The following HDAC8 variants were observed in gnomAD, a reference collection of about 807,000 sequenced individuals.
The protein encoded by HDAC8 is histone deacetylase-like 1.
In HDAC8, 1 loss-of-function variant was observed where a neutral mutation model predicts 32.2. That is an observed-to-expected ratio of 0.03 (90% confidence interval 0.01 to 0.15). HDAC8 has a LOEUF of 0.15. HDAC8 is among the 10% of genes least tolerant of loss of function. HDAC8 has a pLI of 1.00. For synonymous variants in HDAC8, 108 were observed against 113.9 expected, an observed-to-expected ratio of 0.95 and a Z score of 0.33; for missense variants, 117 against 300.0, an observed-to-expected ratio of 0.39 and a Z score of 4.51.
In HDAC8 at chrX:72,535,116, G is replaced by A. The variant is rs186060311; in HGVS notation, c.437+32773C>T. On this transcript the variant is annotated intron_variant, in intron 4 of 10. Transcript: ENST00000373573. ...TCATTCTTACTTTCAAACAAGGTAC[G>A]TTGTTTTCCTTATTTTCAGTACTAG... is the stretch of plus-strand genomic sequence containing the variant. 5.6e-4 allele frequency among the ~76,000 whole-genome samples: 63 copies of A among 112,105 alleles called. 1 individual carries two copies. Among genetic ancestry groups the A allele is most frequent in the Admixed American group, 2.3e-3 (24 of 10,577 alleles).
chrX:72,365,001 G>A (rs2044657891), intron 9 of HDAC8, among the ~76,000 whole-genome samples: 1 of 112,133 alleles, frequency 8.9e-6, no homozygotes, highest in Admixed American at 9.4e-5. Context: ...TTATCTCTCA[G>A]GGGAGAGCCC....
At chrX:72,464,142 G>A (rs1244024040) in intron 8 of HDAC8, among the ~76,000 whole-genome samples, 1 of 111,641 alleles carries the variant, frequency 9.0e-6, no homozygotes, top group African/African-American at 3.3e-5. Flanking sequence ...ATTAATCTGT[G>A]TGTTTACTAC....
chrX:72,567,049 G>T (rs1452292898), intron 4 of HDAC8, among the ~76,000 whole-genome samples: 2 of 112,164 alleles, frequency 1.8e-5, no homozygotes, highest in African/African-American at 6.5e-5. Flanking sequence ...GGAGGCTGAG[G>T]CAGGAGAATC....
chrX:72,337,313 G>T (rs2043726977), intron 10 of HDAC8, among the ~76,000 whole-genome samples: 1 of 112,137 alleles, frequency 8.9e-6, no homozygotes, highest in Non-Finnish European at 1.9e-5. Context: ...CTTGAAATAT[G>T]TCTAGTGCAA....
chrX:72,413,013 G>C (rs932648221), intron 9 of HDAC8, among the ~76,000 whole-genome samples: 6 of 111,034 alleles, frequency 5.4e-5, no homozygotes, highest in African/African-American at 2.0e-4. Flanking sequence ...AAGTTTATCG[G>C]GTACCTAGGT....
At chrX:72,445,388 AACT>A (rs1440355383) in intron 9 of HDAC8, among the ~76,000 whole-genome samples, 12 of 111,896 alleles carry the variant, frequency 1.1e-4, no homozygotes, top group African/African-American at 3.9e-4. Context: ...GCATATCTAC[AACT>A]ATCTGATCTT....
At chrX:72,441,522 CA>C (rs1307604609) in intron 9 of HDAC8, among the ~76,000 whole-genome samples, 1 of 111,645 alleles carries the variant, frequency 9.0e-6, no homozygotes, top group Non-Finnish European at 1.9e-5. Context: ...ACATCCACAC[CA>C]AAAACCCATC....
intron 4 of HDAC8, among the ~76,000 whole-genome samples, chrX:72,505,003 CCTT>C (rs1259405589): frequency 9.0e-6 from 1 of 110,844 alleles, no homozygotes; most frequent in Non-Finnish European, 1.9e-5. Flanking sequence ...CATTTGTAGA[CCTT>C]CTTTGGAGAT....
At chrX:72,550,248 G>A (rs1265886280) in intron 4 of HDAC8, among the ~76,000 whole-genome samples, 1 of 110,652 alleles carries the variant, frequency 9.0e-6, no homozygotes, top group East Asian at 2.8e-4. Flanking sequence ...GGCATTCAAG[G>A]ACTCTTTATA....
In HDAC8 at chrX:72,544,602, C is replaced by A. The variant is rs151193022; in HGVS notation, c.437+23287G>T. On this transcript the variant is annotated intron_variant, in intron 4 of 10. Transcript: ENST00000373573. ...TAAACTCTGGCATAACAGAATGTAG[C>A]CCAGAAACACGATTTTTACACTTTG... Among the ~76,000 whole-genome samples, 558 of 111,473 alleles carry A rather than the reference C, an allele frequency of 5.0e-3. 2 individuals carry two copies. The highest frequency in any genetic ancestry group is 0.018 in the African/African-American group (542 of 30,635).
chrX:72,444,453 A>C (rs1387257419), intron 9 of HDAC8, among the ~76,000 whole-genome samples: 1 of 111,674 alleles, frequency 9.0e-6, no homozygotes, highest in East Asian at 2.8e-4. Context: ...TTATCTCAAT[A>C]GATGCAGAAA....
chrX:72,467,260 A>G (rs1555995260), intron 7 of HDAC8: 1 of 111,192 alleles, frequency 9.0e-6, no homozygotes, highest in Non-Finnish European at 1.9e-5. Context: ...GCTTGTACCA[A>G]TGTCCAATAT....
In HDAC8 at chrX:72,461,747, C is replaced by A. The variant is rs782618207; in HGVS notation, c.1005+257G>T. On this transcript the variant is annotated intron_variant, in intron 9 of 10. Transcript: ENST00000373573. ...AAGAATTCTTTGTGTGAACAGGTGACCCCTTCCCACAGTCTCTGTAATTAA... is the reference window on the plus strand; with the variant it reads ...AAGAATTCTTTGTGTGAACAGGTGAACCCTTCCCACAGTCTCTGTAATTAA... Among the ~76,000 whole-genome samples the A allele has an allele frequency of 1.3e-4, 14 of 111,866 alleles. No individual in the cohort carries two copies. The East Asian group carries it at 3.6e-3, about 29-fold the overall frequency.
At chrX:72,441,723 G>A (rs1318926879) in intron 9 of HDAC8, among the ~76,000 whole-genome samples, 5 of 111,952 alleles carry the variant, frequency 4.5e-5, no homozygotes, top group South Asian at 3.7e-4. Flanking sequence ...GGCTTCAGAC[G>A]ATCAAACTAC....
chrX:72,517,645 G>A (rs2049848623), intron 4 of HDAC8, among the ~76,000 whole-genome samples: 1 of 111,357 alleles, frequency 9.0e-6, no homozygotes, highest in African/African-American at 3.3e-5. Flanking sequence ...TCTTTTGCAT[G>A]TAGATCCTAG....
chrX:72,340,646 G>GCTCC (rs1483193343), intron 10 of HDAC8, among the ~76,000 whole-genome samples: 5 of 111,611 alleles, frequency 4.5e-5, no homozygotes, highest in Admixed American at 9.5e-5. Context: ...GGTCAGAGAG[G>GCTCC]CTCCCTTCAG....
intron 10 of HDAC8, among the ~76,000 whole-genome samples, chrX:72,334,640 A>T (rs1431351815): frequency 8.9e-6 from 1 of 112,085 alleles, no homozygotes; most frequent in African/African-American, 3.2e-5. Context: ...ATTTGGGCAA[A>T]TGACTGACAT....
At chrX:72,367,215 C>T (rs1192331121) in intron 9 of HDAC8, among the ~76,000 whole-genome samples, 10 of 112,079 alleles carry the variant, frequency 8.9e-5, no homozygotes, top group African/African-American at 2.9e-4. Context: ...GCCTGTTCCA[C>T]AGTTGTAGAC....
At chrX:72,424,878 G>C (rs782340976) in intron 9 of HDAC8, among the ~76,000 whole-genome samples, 2 of 111,882 alleles carry the variant, frequency 1.8e-5, no homozygotes, top group Non-Finnish European at 3.8e-5. Flanking sequence ...TCATGTTGTT[G>C]CATGTATCAG....
Sources: allele counts gnomAD v4.1 joint callset (sites outside exome capture counted in the v4.1 genomes callset), GRCh38; gene constraint gnomAD v4.1.1; transcripts MANE v1.5; gene names NCBI Gene and HGNC (gene_info 2026-07-23, HGNC 2026-07-21).